The following DPP10 variants were observed in gnomAD, a reference collection of about 807,000 sequenced individuals.
DPP10 encodes the protein dipeptidyl peptidase like 10.
In DPP10, 33 loss-of-function variants were observed where a neutral mutation model predicts 120.9. The ratio of observed to expected loss-of-function variants is 0.27; its 90% confidence interval spans 0.21 to 0.37. The LOEUF (loss-of-function observed/expected upper bound fraction) is 0.37, where lower values mean the gene tolerates loss of function less well. DPP10 is among the 10% of genes least tolerant of loss of function. DPP10 has a pLI of 1.00. For missense variants in DPP10, 816 were observed against 942.8 expected (o/e 0.87, Z 1.76); for synonymous variants, 337 against 326.1 (o/e 1.03, Z -0.36).
intron 5 of DPP10, among the ~76,000 whole-genome samples, chr2:115,642,057 T>G (rs1223964360): frequency 6.6e-6 from 1 of 152,174 alleles, no homozygotes; most frequent in Non-Finnish European, 1.5e-5. Flanking sequence ...TTTCAGTAAT[T>G]AGATAGGAGA....
chr2:115,799,377 A>G (rs1684905051), intron 19 of DPP10, among the ~76,000 whole-genome samples: 1 of 151,984 alleles, frequency 6.6e-6, no homozygotes, highest in Admixed American at 6.6e-5. Flanking sequence ...GCACACAAAA[A>G]AAGTCCATCT....
chr2:114,927,441 T>TTAA (rs1435162656), intron 1 of DPP10, among the ~76,000 whole-genome samples: 1 of 152,106 alleles, frequency 6.6e-6, no homozygotes, highest in African/African-American at 2.4e-5. Flanking sequence ...AAGAAGTACA[T>TTAA]TAATTCATCC....
intron 21 of DPP10, among the ~76,000 whole-genome samples, chr2:115,831,471 CT>C (rs1269407246): frequency 1.3e-5 from 2 of 152,128 alleles, no homozygotes; most frequent in African/African-American, 4.8e-5. Context: ...AACTCCTTAC[CT>C]TGTGATCCGC....
At position 114,756,326 on chromosome 2, in the gene DPP10, C is replaced by T. The variant is rs550288704; in HGVS notation, c.60+313488C>T. ...CTAGCTTTCCCTGGGGGATCTGCAA[C>T]ATCAGGCAGGAATTTTTCCATGAGA... On this transcript the variant is annotated intron_variant, in intron 1 of 25. Transcript: ENST00000410059. 2.0e-5 allele frequency among the ~76,000 whole-genome samples: 3 copies of T among 152,256 alleles called. 1 individual carries two copies. The highest frequency in any genetic ancestry group is 4.1e-4 in the South Asian group (2 of 4,832).
intron 1 of DPP10, among the ~76,000 whole-genome samples, chr2:114,636,099 A>T (rs1695282237): frequency 1.3e-5 from 2 of 151,984 alleles, no homozygotes; most frequent in South Asian, 4.1e-4. Context: ...ACTTGAGTCT[A>T]ACCATAGTTT....
chr2:114,497,339 A>G (rs567079881), intron 1 of DPP10, among the ~76,000 whole-genome samples: 25 of 26,326 alleles, frequency 9.5e-4, no homozygotes, highest in African/African-American at 2.1e-3. Context: ...ATACATGTAC[A>G]TATACATACA....
At chr2:115,338,935 A>T (rs530176892) in intron 2 of DPP10, among the ~76,000 whole-genome samples, 19 of 152,322 alleles carry the variant, frequency 1.2e-4, no homozygotes, top group South Asian at 8.3e-4. Flanking sequence ...GATTCATAAA[A>T]GGAAAAATTG....
intron 3 of DPP10, among the ~76,000 whole-genome samples, chr2:115,372,640 A>G: frequency 6.6e-6 from 1 of 152,188 alleles, no homozygotes; most frequent in East Asian, 1.9e-4. Context: ...TGATTCAGCA[A>G]CTGAATGAGA....
chr2:115,824,756 A>G (rs1287980107), intron 21 of DPP10, among the ~76,000 whole-genome samples: 6 of 152,140 alleles, frequency 3.9e-5, no homozygotes, highest in Non-Finnish European at 5.9e-5. Flanking sequence ...AATCTTTCTA[A>G]TCCATTCTAA....
rs549062612 is a variant in DPP10, at chr2:114,595,011, C to T, written c.60+152173C>T. ...ATTCTCTCTTGGTGTTTGTTCTATG[C>T]TTTCTTGTAAAAAAACATGTTGGCC... On this transcript the variant is annotated intron_variant, in intron 1 of 25. Coordinates refer to ENST00000410059, the MANE Select transcript of DPP10 (RefSeq NM_020868.6). Among the ~76,000 whole-genome samples the T allele has an allele frequency of 6.0e-4, 91 of 152,152 alleles. 1 individual carries two copies. In the South Asian group the frequency reaches 0.018, roughly 29 times the overall value.
chr2:114,455,761 G>T (rs910277941), intron 1 of DPP10, among the ~76,000 whole-genome samples: 2 of 146,602 alleles, frequency 1.4e-5, no homozygotes, highest in Non-Finnish European at 3.0e-5. Flanking sequence ...TTCATGCTCA[G>T]TAAAGTAGTA....
chr2:114,478,585 G>A (rs531628721), intron 1 of DPP10, among the ~76,000 whole-genome samples: 1 of 151,822 alleles, frequency 6.6e-6, no homozygotes, highest in South Asian at 2.1e-4. Context: ...AAATAAATAA[G>A]GAAGGAAGGA....
chr2:114,584,420 G>A (rs1192926412), intron 1 of DPP10, among the ~76,000 whole-genome samples: 3 of 151,928 alleles, frequency 2.0e-5, no homozygotes, highest in South Asian at 2.1e-4. Flanking sequence ...TATACTTTAA[G>A]TTTTAGGGTA....
At chr2:115,037,919 G>T (rs1704342399) in intron 1 of DPP10, among the ~76,000 whole-genome samples, 1 of 152,096 alleles carries the variant, frequency 6.6e-6, no homozygotes, top group African/African-American at 2.4e-5. Context: ...TGGAATGGTT[G>T]GTGTGTGCTG....
At chr2:115,548,956 A>T (rs1358336939) in intron 5 of DPP10, among the ~76,000 whole-genome samples, 1 of 152,068 alleles carries the variant, frequency 6.6e-6, no homozygotes, top group Non-Finnish European at 1.5e-5. Context: ...CTATCTAACA[A>T]AGCTTGAAGC....
intron 1 of DPP10, among the ~76,000 whole-genome samples, chr2:115,107,687 A>G (rs2104660287): frequency 6.6e-6 from 1 of 152,180 alleles, no homozygotes; most frequent in African/African-American, 2.4e-5. Flanking sequence ...TAAATGCAAA[A>G]TGTACTTTAA....
chr2:115,023,621 C>T (rs148103960), intron 1 of DPP10, among the ~76,000 whole-genome samples: 18 of 151,368 alleles, frequency 1.2e-4, no homozygotes, highest in East Asian at 9.8e-4. Flanking sequence ...ATCTGCTGTT[C>T]GATCCAGTAA....
intron 5 of DPP10, among the ~76,000 whole-genome samples, chr2:115,567,759 T>C (rs1020487451): frequency 3.9e-5 from 6 of 152,264 alleles, no homozygotes; most frequent in African/African-American, 1.4e-4. Flanking sequence ...TTTATTTATA[T>C]TGTCAAATTC....
At chr2:115,455,660 C>T (rs1158695843) in intron 3 of DPP10, among the ~76,000 whole-genome samples, 1 of 152,062 alleles carries the variant, frequency 6.6e-6, no homozygotes, top group Non-Finnish European at 1.5e-5. Context: ...AGAGACAACA[C>T]CACACATCTA....
Sources: gnomAD v4.1 joint callset for allele counts (sites outside exome capture counted in the v4.1 genomes callset) on GRCh38, gnomAD v4.1.1 for gene constraint, MANE v1.5 for transcripts, NCBI Gene and HGNC (gene_info 2026-07-23, HGNC 2026-07-21) for gene names.